SKAP2: variants seen among roughly 807,000 people sequenced by gnomAD.
SKAP2 encodes src kinase associated phosphoprotein 2.
SKAP2 carries 28 observed loss-of-function variants against 54.9 expected under a neutral mutation model. The ratio of observed to expected loss-of-function variants is 0.51; its 90% confidence interval spans 0.38 to 0.70. The LOEUF is 0.70. SKAP2 is among the 30% of genes least tolerant of loss of function. The pLI, the probability that SKAP2 is intolerant of heterozygous loss-of-function variation, is 0.00. For synonymous variants in SKAP2, 137 were observed against 134.3 expected, an observed-to-expected ratio of 1.02 and a Z score of -0.14; for missense variants, 356 against 424.1, an observed-to-expected ratio of 0.84 and a Z score of 1.41.
chr7:26,864,493 C>A lies in SKAP2; in HGVS notation c.-64G>T. On this transcript the variant is annotated 5_prime_UTR_variant, in exon 1 of 13. Coordinates refer to ENST00000345317, the MANE Select transcript of SKAP2 (RefSeq NM_003930.5). The stretch of plus-strand genomic sequence containing the variant: ...TGAAAAGGTGACCGACGGGGTGGGG[C>A]TGCGGCTGCGACCTAGACTCAGGCT... 2 of 1,539,992 alleles carry A rather than the reference C, an allele frequency of 1.3e-6. No homozygotes were observed. The highest frequency in any genetic ancestry group is 1.7e-6 in the Non-Finnish European group (2 of 1,144,542).
At chr7:26,814,960 T>C (rs980124728) in intron 4 of SKAP2, among the ~76,000 whole-genome samples, 7 of 152,236 alleles carry the variant, frequency 4.6e-5, no homozygotes, top group South Asian at 2.1e-4. Context: ...ATATGAAAAA[T>C]AGAAATGTGC....
At chr7:26,833,187 G>C (rs1784631893) in intron 4 of SKAP2, among the ~76,000 whole-genome samples, 2 of 151,966 alleles carry the variant, frequency 1.3e-5, no homozygotes, top group South Asian at 4.1e-4. Flanking sequence ...AAGGTCAGGG[G>C]ATCGAGACCA....
At chr7:26,819,206 A>G (rs1459624330) in intron 4 of SKAP2, among the ~76,000 whole-genome samples, 1 of 152,190 alleles carries the variant, frequency 6.6e-6, no homozygotes, top group Admixed American at 6.5e-5. Flanking sequence ...GATAAAGAAA[A>G]TGTGGCGCAT....
chr7:26,757,631 G>GAAAAGAACAAAA (rs1782824383), intron 4 of SKAP2, among the ~76,000 whole-genome samples: 2 of 152,050 alleles, frequency 1.3e-5, no homozygotes, highest in Admixed American at 1.3e-4. Context: ...TTGTTCTTTT[G>GAAAAGAACAAAA]GCTTAGGATT....
chr7:26,710,069 A>C (rs540983675), intron 9 of SKAP2, among the ~76,000 whole-genome samples: 2 of 152,298 alleles, frequency 1.3e-5, no homozygotes, highest in Non-Finnish European at 2.9e-5. Flanking sequence ...TCAGGAAAAT[A>C]ATCATCATAA....
rs556198767 is a variant in SKAP2 at position 26,762,516 on chromosome 7, A to G, written c.308-22552T>C. The stretch of plus-strand genomic sequence containing the variant: ...TGCAATACTGCCCAATATATCCTAA[A>G]GACGCTAATGCTTGCCTTTAAAAAA... On this transcript the variant is annotated intron_variant, in intron 4 of 12. Coordinates refer to ENST00000345317, the MANE Select transcript of SKAP2 (RefSeq NM_003930.5). Among the ~76,000 whole-genome samples the G allele has an allele frequency of 1.2e-4, 19 of 152,192 alleles. No homozygotes were observed. The South Asian group carries it at 3.5e-3, about 28-fold the overall frequency.
chr7:26,777,877 T>C (rs1389577475), intron 4 of SKAP2, among the ~76,000 whole-genome samples: 1 of 152,028 alleles, frequency 6.6e-6, no homozygotes, highest in East Asian at 1.9e-4. Context: ...GGTAAAATCC[T>C]GGTAACATAC....
At chr7:26,726,106 T>G (rs1467173998) in intron 7 of SKAP2, 120 bp from the exon 8 acceptor site, 7 of 630,258 alleles carry the variant, frequency 1.1e-5, no homozygotes, top group Non-Finnish European at 1.9e-5. Context: ...GAACTTTTCT[T>G]GCAAGGATGC....
At chr7:26,798,713 G>A (rs1783839806) in intron 4 of SKAP2, among the ~76,000 whole-genome samples, 1 of 152,054 alleles carries the variant, frequency 6.6e-6, no homozygotes, top group Non-Finnish European at 1.5e-5. Flanking sequence ...TCAAGACACA[G>A]TCAATACAAT....
chr7:26,737,542 A>G (rs77429863), intron 6 of SKAP2, among the ~76,000 whole-genome samples: 2,253 of 152,246 alleles, frequency 0.015, 42 homozygotes, highest in African/African-American at 0.045. Context: ...AGAATGGGGG[A>G]AAAAACTCTA....
At chr7:26,846,622 C>G (rs1156932625) in intron 3 of SKAP2, among the ~76,000 whole-genome samples, 1 of 152,124 alleles carries the variant, frequency 6.6e-6, no homozygotes, top group Non-Finnish European at 1.5e-5. Context: ...GAGAGGCTTT[C>G]ATGGTTTGGT....
intron 4 of SKAP2, among the ~76,000 whole-genome samples, chr7:26,784,281 C>G (rs541770565): frequency 2.0e-5 from 3 of 152,074 alleles, no homozygotes; most frequent in Non-Finnish European, 4.4e-5. Context: ...GTGAATAAAC[C>G]TTGTCTTTTC....
chr7:26,842,876 T>C (rs1784846558), intron 4 of SKAP2, among the ~76,000 whole-genome samples: 1 of 145,532 alleles, frequency 6.9e-6, no homozygotes, highest in Non-Finnish European at 1.5e-5. Context: ...AAAGTGAATA[T>C]AACAGCAAAA....
At chr7:26,803,822 A>G (rs1255395701) in intron 4 of SKAP2, among the ~76,000 whole-genome samples, 2 of 152,250 alleles carry the variant, frequency 1.3e-5, no homozygotes, top group East Asian at 1.9e-4. Context: ...TTGCAACAAC[A>G]TGGATGGAAC....
In SKAP2 at chr7:26,716,574, A is replaced by C. The variant is rs147544721; in HGVS notation, c.796+8854T>G. Among the ~76,000 whole-genome samples the C allele has an allele frequency of 5.5e-3, 834 of 152,308 alleles. 5 individuals are homozygous for C. The highest frequency in any genetic ancestry group is 8.6e-3 in the Non-Finnish European group (586 of 68,014). On this transcript the variant is annotated intron_variant, in intron 9 of 12. Coordinates refer to ENST00000345317, the MANE Select transcript of SKAP2 (RefSeq NM_003930.5). ...TGCAAACATTTATTTTAATAGACTA[A>C]GTTATATTTATCATTCTTACTTTTA...
At chr7:26,677,254 T>C (rs1159511816) in intron 11 of SKAP2, among the ~76,000 whole-genome samples, 5 of 151,940 alleles carry the variant, frequency 3.3e-5, no homozygotes, top group Admixed American at 2.0e-4. Context: ...TAGCCGGGCA[T>C]GGTGGCAGGA....
intron 10 of SKAP2, among the ~76,000 whole-genome samples, chr7:26,689,041 A>G (rs2127939454): frequency 6.6e-6 from 1 of 152,280 alleles, no homozygotes; most frequent in Non-Finnish European, 1.5e-5. Context: ...TTCCTTTCTG[A>G]AAAAACACTA....
Position 26,800,278 on chromosome 7 carries a change from C to T in SKAP2, c.307+43752G>A, listed in dbSNP as rs151289019. On this transcript the variant is annotated intron_variant, in intron 4 of 12. Coordinates refer to ENST00000345317, the MANE Select transcript of SKAP2 (RefSeq NM_003930.5). ...GTATACTCTTGAATAACCAGCGGGT[C>T]GGTGAAGACATGAAGAAGGAAATTG... Among the ~76,000 whole-genome samples the T allele has an allele frequency of 1.6e-4, 24 of 152,072 alleles. No homozygotes were observed. The South Asian group carries it at 3.1e-3, about 20-fold the overall frequency.
chr7:26,768,597 G>T (rs1364953119), intron 4 of SKAP2, among the ~76,000 whole-genome samples: 1 of 152,128 alleles, frequency 6.6e-6, no homozygotes, highest in Non-Finnish European at 1.5e-5. Context: ...GGCTGGTACT[G>T]GTTTTTCCTT....
Sources: allele counts gnomAD v4.1 joint callset (sites outside exome capture counted in the v4.1 genomes callset), GRCh38; gene constraint gnomAD v4.1.1; transcripts MANE v1.5; gene names NCBI Gene and HGNC (gene_info 2026-07-23, HGNC 2026-07-21).